Variants in ATP7A observed in about 807,000 individuals in gnomAD.
ATP7A encodes ATPase copper transporting alpha.
Under a neutral mutation model 83.5 loss-of-function variants are expected in ATP7A, and 7 were observed. That is an observed-to-expected ratio of 0.08 (90% CI 0.05 to 0.16). The LOEUF (loss-of-function observed/expected upper bound fraction) is 0.16, where lower values mean the gene tolerates loss of function less well. Ranked by LOEUF, ATP7A falls within the 10% of genes least tolerant of loss-of-function variation. ATP7A has a pLI of 1.00. For synonymous variants in ATP7A, 354 were observed against 395.2 expected, an observed-to-expected ratio of 0.90 and a Z score of 1.24; for missense variants, 940 against 1,120.8, an observed-to-expected ratio of 0.84 and a Z score of 2.30.
At chrX:77,936,062 C>T (rs2077318229) in intron 1 of ATP7A, among the ~76,000 whole-genome samples, 1 of 112,098 alleles carries the variant, frequency 8.9e-6, no homozygotes, top group African/African-American at 3.2e-5. Flanking sequence ...TTAACTGATT[C>T]AAGTATTAAT....
intron 2 of ATP7A, among the ~76,000 whole-genome samples, chrX:77,982,123 T>G (rs2077608085): frequency 8.9e-6 from 1 of 111,784 alleles, no homozygotes; most frequent in Non-Finnish European, 1.9e-5. Context: ...AATTTTTAGT[T>G]GATTCAAAAA....
At chrX:78,024,859 C>G (rs2149102289) in intron 14 of ATP7A, among the ~76,000 whole-genome samples, 1 of 111,481 alleles carries the variant, frequency 9.0e-6, no homozygotes, top group Non-Finnish European at 1.9e-5. Flanking sequence ...AATATAATCT[C>G]TTCCCACCAC....
chrX:77,914,665 A>C (rs2077176280), intron 1 of ATP7A, among the ~76,000 whole-genome samples: 1 of 110,955 alleles, frequency 9.0e-6, no homozygotes, highest in South Asian at 3.8e-4. Context: ...CAGCCTCCCA[A>C]AGTGCTGGGA....
chrX:78,013,195 C>A, intron 10 of ATP7A, 83 bp downstream of exon 10: 1 of 869,034 alleles, frequency 1.2e-6, no homozygotes, highest in Non-Finnish European at 1.7e-6. Context: ...ATTGGAAATA[C>A]ATGCTTTTAT....
At chrX:77,976,628 G>A (rs1006024555) in intron 2 of ATP7A, among the ~76,000 whole-genome samples, 6 of 111,793 alleles carry the variant, frequency 5.4e-5, no homozygotes, top group African/African-American at 1.9e-4. Context: ...TTTTTTCCAT[G>A]TCTAAGTTTT....
At chrX:78,009,063 A>C in intron 6 of ATP7A, 39 bp from the exon 7 acceptor site, 1 of 1,194,268 alleles carries the variant, frequency 8.4e-7, no homozygotes, top group Non-Finnish European at 1.1e-6. Context: ...ATGGTGGAAA[A>C]AGTATATTCC....
At chrX:77,993,215 CTG>C (rs1290525720) in intron 4 of ATP7A, among the ~76,000 whole-genome samples, 1 of 111,954 alleles carries the variant, frequency 8.9e-6, no homozygotes, top group Admixed American at 9.5e-5. Context: ...AATGTGGTAT[CTG>C]TCATTACAGT....
intron 8 of ATP7A, 91 bp downstream of exon 8, chrX:78,011,343 TA>T: frequency 9.6e-7 from 1 of 1,044,043 alleles, no homozygotes; most frequent in Non-Finnish European, 1.3e-6. Flanking sequence ...ATCATCCTTA[TA>T]CTGGATGAAA....
At chrX:77,944,865 T>C (rs1603374099) in intron 1 of ATP7A, among the ~76,000 whole-genome samples, 2 of 110,071 alleles carry the variant, frequency 1.8e-5, no homozygotes, top group African/African-American at 6.6e-5. Flanking sequence ...TATTTATTTA[T>C]TTGTGATGGA....
chrX:77,999,136 A>G (rs1355884504), intron 5 of ATP7A, among the ~76,000 whole-genome samples: 1 of 109,078 alleles, frequency 9.2e-6, no homozygotes, highest in Non-Finnish European at 1.9e-5. Context: ...AGATGGGACT[A>G]CAGGCATGCA....
Position 77,966,421 on chromosome X carries a change from G to C in ATP7A, c.-21-5200G>C, listed in dbSNP as rs781834838. Among the ~76,000 whole-genome samples, 12 of 112,240 alleles carry C rather than the reference G, an allele frequency of 1.1e-4. 1 individual carries two copies. The highest frequency in any genetic ancestry group is 1.9e-4 in the Admixed American group (2 of 10,615). ...ATAAATTGGACTTCACAAATTAAAAGCTTTTGTGATTCAATGGACACCATC... is the reference window on the plus strand; with the variant it reads ...ATAAATTGGACTTCACAAATTAAAACCTTTTGTGATTCAATGGACACCATC... On this transcript the variant is annotated intron_variant, in intron 1 of 22. Coordinates refer to ENST00000341514, the MANE Select transcript of ATP7A (RefSeq NM_000052.7).
intron 2 of ATP7A, among the ~76,000 whole-genome samples, chrX:77,982,523 A>G (rs1044945364): frequency 1.8e-5 from 2 of 112,573 alleles, no homozygotes; most frequent in Non-Finnish European, 3.8e-5. Context: ...ATCATTTCAA[A>G]TTTAAACTAG....
At chrX:77,986,337 A>T (rs2077636562) in intron 2 of ATP7A, among the ~76,000 whole-genome samples, 1 of 112,619 alleles carries the variant, frequency 8.9e-6, no homozygotes, top group African/African-American at 3.2e-5. Flanking sequence ...ACTATTGTAG[A>T]CAATTTAAAG....
intron 17 of ATP7A, among the ~76,000 whole-genome samples, chrX:78,035,549 C>T (rs74686151): frequency 1.8e-5 from 2 of 110,718 alleles, no homozygotes; most frequent in Non-Finnish European, 3.8e-5. Flanking sequence ...TAATGGGTCT[C>T]TCTCTCCTAT....
chrX:78,003,135 G>T lies in ATP7A; in HGVS notation c.1606G>T (p.Val536Phe). The T allele has an allele frequency of 8.3e-7, 1 of 1,208,480 alleles. No homozygotes were observed. Among genetic ancestry groups the T allele is most frequent in the Non-Finnish European group, 1.1e-6 (1 of 892,580 alleles). ...GKAEVRYNPAVIQPPMIAEFI... is the reference protein window; with the variant it reads ...GKAEVRYNPAFIQPPMIAEFI... ...GGCAGAAGTAAGGTATAATCCTGCT[G>T]TTATACAACCCCCAATGATAGCAGA... Residue 536 changes from valine to phenylalanine, a missense_variant, in exon 6 of 23, where the codon GTT becomes TTT. Coordinates refer to ENST00000341514, the MANE Select transcript of ATP7A (RefSeq NM_000052.7).
Position 78,029,235 on chromosome X carries a change from G to T in ATP7A, c.2917-15G>T, listed in dbSNP as rs2077966528. 2 of 1,204,214 alleles carry T rather than the reference G, an allele frequency of 1.7e-6. No homozygotes were observed. Among genetic ancestry groups the T allele is most frequent in the African/African-American group, 1.8e-5 (1 of 57,009 alleles). ...CTCTAAATCAATAACCAAAATTTAT[G>T]CCTTTCTTCTAAAGGGCTACAATAG... On this transcript the variant is annotated splice_polypyrimidine_tract_variant and intron_variant, in intron 14 of 22. Coordinates refer to ENST00000341514, the MANE Select transcript of ATP7A (RefSeq NM_000052.7).
rs2149094957 is a variant in ATP7A at position 78,011,203 on chromosome X, A to G, written c.1897A>G (p.Lys633Glu). The change falls in exon 8 of 23, where the codon AAG (lysine) becomes GAG (glutamate). Residue 633 changes from lysine (K) to glutamate (E), a missense_variant. By Grantham distance (56) the Lys-to-Glu change is moderately conservative. Coordinates refer to ENST00000341514, the MANE Select transcript of ATP7A (RefSeq NM_000052.7). ...ESLGFEASLV[K>E]KDRSASHLDH... The stretch of plus-strand genomic sequence containing the variant: ...CTTAGGTTTTGAAGCTTCTTTGGTC[A>G]AGAAGGATCGGTCAGCAAGTCACTT... 5.0e-6 allele frequency: 6 copies of G among 1,211,058 alleles called. No individual in the cohort carries two copies. The highest frequency in any genetic ancestry group is 6.7e-6 in the Non-Finnish European group (6 of 894,887).
intron 12 of ATP7A, among the ~76,000 whole-genome samples, chrX:78,016,590 C>T (rs1020976397): frequency 1.1e-4 from 12 of 111,939 alleles, no homozygotes; most frequent in Non-Finnish European, 1.3e-4. Flanking sequence ...CGAGTTCCTT[C>T]CAAGATACAG....
intron 1 of ATP7A, chrX:77,969,476 A>G (rs1557229313): frequency 8.3e-7 from 1 of 1,210,708 alleles, no homozygotes; most frequent in East Asian, 3.0e-5. Flanking sequence ...GAGGTGAGGC[A>G]GATGTCAAAC....
Sources: allele counts gnomAD v4.1 joint callset (sites outside exome capture counted in the v4.1 genomes callset), GRCh38; gene constraint gnomAD v4.1.1; transcripts MANE v1.5; gene names NCBI Gene and HGNC (gene_info 2026-07-23, HGNC 2026-07-21).